CFDP1: variants seen among roughly 807,000 people sequenced by gnomAD.
CFDP1 encodes chromatin remodeling protein CFDP1, also known as heterochromatin-stabilizing protein CFDP1.
A neutral mutation model predicts 40.1 loss-of-function variants in CFDP1; 31 were observed. That is an observed-to-expected ratio of 0.77 (90% CI 0.58 to 1.04). The LOEUF (loss-of-function observed/expected upper bound fraction) is 1.04. CFDP1 is among the 50% of genes least tolerant of loss of function. The probability of loss-of-function intolerance (pLI) is 0.00; values close to 1 mark genes in which losing one functional copy is unlikely to be tolerated. For synonymous variants in CFDP1, 167 were observed against 120.0 expected (o/e 1.39, Z -2.56); for missense variants, 423 against 343.4 (o/e 1.23, Z -1.83).
At chr16:75,369,248 G>A (rs541454607) in intron 5 of CFDP1, among the ~76,000 whole-genome samples, 1 of 152,072 alleles carries the variant, frequency 6.6e-6, no homozygotes, top group Non-Finnish European at 1.5e-5. Context: ...AATAAAAAAA[G>A]TAGCTTAAAA....
intron 6 of CFDP1, among the ~76,000 whole-genome samples, chr16:75,301,581 C>G (rs1303204040): frequency 1.1e-5 from 1 of 88,896 alleles, no homozygotes; most frequent in African/African-American, 4.5e-5. Context: ...GAGACCGGGT[C>G]TTTCTCTGTT....
At chr16:75,421,737 C>T (rs1044186586) in intron 1 of CFDP1, among the ~76,000 whole-genome samples, 1 of 152,120 alleles carries the variant, frequency 6.6e-6, no homozygotes, top group Non-Finnish European at 1.5e-5. Context: ...TAAAATCACA[C>T]AAGGAAATTA....
At chr16:75,397,393 T>G (rs1045978121) in intron 4 of CFDP1, among the ~76,000 whole-genome samples, 5 of 151,262 alleles carry the variant, frequency 3.3e-5, no homozygotes, top group African/African-American at 1.2e-4. Flanking sequence ...TGCATGCCTG[T>G]AACTCCAGCT....
At chr16:75,317,107 G>A (rs889529357) in intron 5 of CFDP1, among the ~76,000 whole-genome samples, 25 of 152,268 alleles carry the variant, frequency 1.6e-4, no homozygotes, top group African/African-American at 5.5e-4. Flanking sequence ...AAGTGGCGAG[G>A]GCAGAGGCCT....
chr16:75,384,371 G>C (rs2078875539), intron 5 of CFDP1, among the ~76,000 whole-genome samples: 1 of 151,998 alleles, frequency 6.6e-6, no homozygotes, highest in African/African-American at 2.4e-5. Context: ...AAAAAAAAGA[G>C]AAAGAAAAGA....
intron 5 of CFDP1, among the ~76,000 whole-genome samples, chr16:75,308,059 C>T (rs891923126): frequency 1.3e-5 from 2 of 152,204 alleles, no homozygotes; most frequent in Non-Finnish European, 2.9e-5. Context: ...GACAACACCC[C>T]ACCAAAAGCA....
chr16:75,380,968 T>C (rs892075030), intron 5 of CFDP1, among the ~76,000 whole-genome samples: 5 of 152,172 alleles, frequency 3.3e-5, no homozygotes, highest in Non-Finnish European at 5.9e-5. Context: ...AACTTACTAA[T>C]AGACAACAAA....
At chr16:75,306,851 C>A (rs1412818044) in intron 5 of CFDP1, among the ~76,000 whole-genome samples, 1 of 151,612 alleles carries the variant, frequency 6.6e-6, no homozygotes. Context: ...ACAACTCAAC[C>A]CCTACAATGT....
At chr16:75,333,936 G>A (rs1051783075) in intron 5 of CFDP1, among the ~76,000 whole-genome samples, 2 of 152,176 alleles carry the variant, frequency 1.3e-5, no homozygotes, top group Admixed American at 6.5e-5. Flanking sequence ...AGAGCAAGGC[G>A]TGAAGATGCC....
intron 5 of CFDP1, among the ~76,000 whole-genome samples, chr16:75,364,302 C>G (rs1290617715): frequency 2.6e-5 from 4 of 152,146 alleles, no homozygotes; most frequent in African/African-American, 9.7e-5. Context: ...CCTTTGCTGT[C>G]TTTTAGCTAC....
At chr16:75,403,361 G>A (rs1420370440) in intron 4 of CFDP1, among the ~76,000 whole-genome samples, 2 of 152,170 alleles carry the variant, frequency 1.3e-5, no homozygotes, top group Non-Finnish European at 2.9e-5. Flanking sequence ...TGGGACTACA[G>A]ACACACACCA....
chr16:75,422,218 T>A (rs1329691397), intron 1 of CFDP1, among the ~76,000 whole-genome samples: 1 of 152,032 alleles, frequency 6.6e-6, no homozygotes, highest in African/African-American at 2.4e-5. Context: ...TGCCTCAGCC[T>A]CCCAAGTAGC....
Position 75,335,554 on chromosome 16 carries a change from A to ATTAT in CFDP1, c.651-30373_651-30372insATAA, listed in dbSNP as rs2078480879. The stretch of plus-strand genomic sequence containing the variant: ...CTATAAGCACTTTTGACAAATCTCC[A>ATTAT]TTTTTTTTTTTTTTTTTTTTTAGAC... On this transcript the variant is annotated intron_variant, in intron 5 of 6. Transcript: ENST00000283882. Among the ~76,000 whole-genome samples the ATTAT allele has an allele frequency of 4.1e-5, 5 of 121,384 alleles. No homozygotes were observed. In the Admixed American group the frequency reaches 4.2e-4, roughly 10 times the overall value. The allele number at this position is 121,384 out of a possible 152,430, so 79.6% of individuals were successfully genotyped here. A position where few individuals can be genotyped will look rare whatever the true frequency, so the allele number is the denominator to read the frequency against.
At chr16:75,421,697 T>C (rs2079282500) in intron 1 of CFDP1, among the ~76,000 whole-genome samples, 1 of 152,194 alleles carries the variant, frequency 6.6e-6, no homozygotes, top group Admixed American at 6.5e-5. Context: ...CTGTATTTCC[T>C]CATTTTATGA....
At chr16:75,384,669 A>G (rs1028976398) in intron 5 of CFDP1, among the ~76,000 whole-genome samples, 2 of 152,032 alleles carry the variant, frequency 1.3e-5, no homozygotes, top group East Asian at 1.9e-4. Context: ...CAGATTATTA[A>G]TAACTGTAAA....
At chr16:75,375,959 T>A (rs1357333570) in intron 5 of CFDP1, among the ~76,000 whole-genome samples, 5 of 152,170 alleles carry the variant, frequency 3.3e-5, no homozygotes, top group Non-Finnish European at 5.9e-5. Context: ...ATGCCTATAA[T>A]CCTTGCAGTT....
chr16:75,349,670 A>AT (rs2078595313), intron 5 of CFDP1, among the ~76,000 whole-genome samples: 1 of 8,200 alleles, frequency 1.2e-4, no homozygotes. Flanking sequence ...AAAAAAAAAA[A>AT]AAAAAAAAAA....
intron 6 of CFDP1, among the ~76,000 whole-genome samples, chr16:75,299,137 C>T (rs2078204432): frequency 6.6e-6 from 1 of 151,964 alleles, no homozygotes. Context: ...TGTACTGGGC[C>T]CTGGGAGTCT....
At chr16:75,424,033 CTG>C (rs1384547367) in intron 1 of CFDP1, among the ~76,000 whole-genome samples, 7 of 152,192 alleles carry the variant, frequency 4.6e-5, no homozygotes, top group Non-Finnish European at 1.0e-4. Flanking sequence ...AAATCAAACA[CTG>C]TAATCCACCA....
Sources: allele counts gnomAD v4.1 joint callset (sites outside exome capture counted in the v4.1 genomes callset), GRCh38; gene constraint gnomAD v4.1.1; transcripts MANE v1.5; gene names NCBI Gene and HGNC (gene_info 2026-07-23, HGNC 2026-07-21).